TSPAN15: variants seen among roughly 807,000 people sequenced by gnomAD.
TSPAN15 encodes the protein tetraspanin-15.
In TSPAN15, 20 loss-of-function variants were observed where a neutral mutation model predicts 34.5. The observed-to-expected ratio is 0.58, with a 90% CI of 0.41 to 0.84. TSPAN15 has a LOEUF of 0.84. Among genes scored for constraint, TSPAN15 ranks in the 40% least tolerant of loss-of-function variants. The pLI is 0.00. For synonymous variants in TSPAN15, 155 were observed against 153.9 expected (o/e 1.01, Z -0.05); for missense variants, 313 against 386.1 (o/e 0.81, Z 1.59).
the TSPAN15 span, among the ~76,000 whole-genome samples, chr10:69,548,432 A>G: frequency 1.6e-4 from 25 of 152,354 alleles, no homozygotes; most frequent in African/African-American, 5.8e-4. Flanking sequence ...CAGACTTACC[A>G]TTCTCCTGTA....
chr10:69,486,523 C>T (rs888643181), intron 3 of TSPAN15, among the ~76,000 whole-genome samples: 1 of 152,204 alleles, frequency 6.6e-6, no homozygotes, highest in Non-Finnish European at 1.5e-5. Flanking sequence ...ACTGCAGCCT[C>T]GAACCCCTGG....
chr10:69,512,378 A>G (rs10509313), downstream of TSPAN15, among the ~76,000 whole-genome samples: 32,766 of 152,174 alleles, frequency 0.22, 4,080 homozygotes, highest in African/African-American at 0.35. Flanking sequence ...CACATTAAGG[A>G]AGACTGATTT....
chr10:69,530,812 CTCTCTCTCTATATATATA>C, the TSPAN15 span, among the ~76,000 whole-genome samples: 67 of 66,692 alleles, frequency 1.0e-3, no homozygotes, highest in Admixed American at 3.7e-3. Context: ...CTCTCTCTCT[CTCTCTCTCTATATATATA>C]TATATATATA....
chr10:69,507,640 A>G lies in TSPAN15; in HGVS notation c.*662A>G. On this transcript the variant is annotated 3_prime_UTR_variant, in exon 8 of 8. Transcript: ENST00000373290. The stretch of plus-strand genomic sequence containing the variant: ...CCCCCAACCAGTTTGTTAATCAAAC[A>G]ATAAAAACATGTTTTTTTTTTTTTT... 7.9e-7 allele frequency: 1 copy of G among 1,273,392 alleles called. No homozygotes were observed. Among genetic ancestry groups the G allele is most frequent in the Middle Eastern group, 2.2e-4 (1 of 4,554 alleles). 78.9% of individuals were successfully genotyped at this position (1,273,392 alleles called of 1,614,324 possible).
intron 1 of TSPAN15, among the ~76,000 whole-genome samples, chr10:69,458,228 A>T (rs1159521511): frequency 2.0e-5 from 3 of 151,910 alleles, no homozygotes; most frequent in Non-Finnish European, 4.4e-5. Flanking sequence ...CCAGGCCAAA[A>T]AGAAAGCACT....
chr10:69,471,446 A>G (rs60852095), intron 1 of TSPAN15, among the ~76,000 whole-genome samples: 2,484 of 152,304 alleles, frequency 0.016, 66 homozygotes, highest in African/African-American at 0.057. Flanking sequence ...ATTTACAAAC[A>G]TGCAGAGCCC....
downstream of TSPAN15, among the ~76,000 whole-genome samples, chr10:69,508,007 C>T (rs963929131): frequency 2.0e-5 from 3 of 152,140 alleles, no homozygotes; most frequent in Non-Finnish European, 2.9e-5. Flanking sequence ...ATGGCTGCCG[C>T]GCAACGCATG....
chr10:69,454,345 T>C (rs12265956), intron 1 of TSPAN15, among the ~76,000 whole-genome samples: 35,373 of 151,488 alleles, frequency 0.23, 4,170 homozygotes, highest in Non-Finnish European at 0.25. Context: ...TGGTGAAACC[T>C]CATCTCTACT....
chr10:69,463,509 A>C (rs114354644), intron 1 of TSPAN15, among the ~76,000 whole-genome samples: 1,616 of 152,234 alleles, frequency 0.011, 25 homozygotes, highest in African/African-American at 0.036. Flanking sequence ...TCGTGGCCTC[A>C]TCAAAAAGGT....
the TSPAN15 span, among the ~76,000 whole-genome samples, chr10:69,527,920 C>T: frequency 6.1e-5 from 9 of 148,018 alleles, no homozygotes; most frequent in South Asian, 6.4e-4. Flanking sequence ...ACTTTGATGA[C>T]GGTTATATAT....
rs141015200 is a variant in TSPAN15 at position 69,466,139 on chromosome 10, C to G, written c.96+14449C>G. Among the ~76,000 whole-genome samples, 476 of 152,376 alleles carry G rather than the reference C, an allele frequency of 3.1e-3. 5 individuals carry two copies. Among genetic ancestry groups the G allele is most frequent in the African/African-American group, 0.011 (456 of 41,586 alleles). ...CAGAAGTGGGGCCAGCATCACTGTCCTTCAGAAATGCATCCTTTAATTTTT... is the reference window on the plus strand; with the variant it reads ...CAGAAGTGGGGCCAGCATCACTGTCGTTCAGAAATGCATCCTTTAATTTTT... On this transcript the variant is annotated intron_variant, in intron 1 of 7. Coordinates refer to ENST00000373290, the MANE Select transcript of TSPAN15 (RefSeq NM_012339.5).
chr10:69,475,020 C>T (rs55856425), intron 1 of TSPAN15, among the ~76,000 whole-genome samples: 3,317 of 152,266 alleles, frequency 0.022, 50 homozygotes, highest in Middle Eastern at 0.048. Flanking sequence ...CCCATGTACG[C>T]TGGGGACACA....
intron 6 of TSPAN15, 84 bp downstream of exon 6, chr10:69,504,569 G>A (rs1652804): frequency 0.37 from 522,879 of 1,414,548 alleles, 99,678 homozygotes; most frequent in African/African-American, 0.51. Context: ...ATTGAGGTCG[G>A]GGTCCTGGCC....
At chr10:69,468,121 C>G (rs10998803) in intron 1 of TSPAN15, among the ~76,000 whole-genome samples, 1 of 150,528 alleles carries the variant, frequency 6.6e-6, no homozygotes, top group Admixed American at 6.6e-5. Context: ...CCCCCGCCCC[C>G]CTCCCCCACG....
intron 3 of TSPAN15, among the ~76,000 whole-genome samples, chr10:69,491,199 A>G (rs1007701150): frequency 1.3e-5 from 2 of 152,214 alleles, no homozygotes; most frequent in Admixed American, 1.3e-4. Context: ...GTTCTCTTCC[A>G]TTCCTGATTG....
chr10:69,477,620 G>A (rs1038847472), intron 1 of TSPAN15, among the ~76,000 whole-genome samples: 3 of 152,226 alleles, frequency 2.0e-5, no homozygotes, highest in African/African-American at 4.8e-5. Flanking sequence ...CTAGCCACAC[G>A]TGGCTCGTGG....
At chr10:69,538,569 G>A in the TSPAN15 span, among the ~76,000 whole-genome samples, 1 of 152,260 alleles carries the variant, frequency 6.6e-6, no homozygotes, top group African/African-American at 2.4e-5. Flanking sequence ...TCACAGGAGT[G>A]TGGGACTCCA....
chr10:69,495,543 G>A (rs755914835), intron 3 of TSPAN15, 51 bp from the exon 4 acceptor site: 2 of 1,403,044 alleles, frequency 1.4e-6, no homozygotes, highest in Admixed American at 1.7e-5. Context: ...CCTTGGGTTG[G>A]ACTCCGGGAG....
chr10:69,542,170 G>T, the TSPAN15 span, among the ~76,000 whole-genome samples: 9 of 152,156 alleles, frequency 5.9e-5, no homozygotes, highest in Non-Finnish European at 1.0e-4. Flanking sequence ...CTCTAGGGCA[G>T]GGGGAAAATG....
Sources: allele counts gnomAD v4.1 joint callset (sites outside exome capture counted in the v4.1 genomes callset), GRCh38; gene constraint gnomAD v4.1.1; transcripts MANE v1.5; gene names NCBI Gene and HGNC (gene_info 2026-07-23, HGNC 2026-07-21).